Variants in DLG1 observed in about 807,000 individuals in gnomAD.
DLG1 encodes discs large MAGUK scaffold protein 1, also known as disks large homolog 1.
Under a neutral mutation model 123.4 loss-of-function variants are expected in DLG1, and 42 were observed. The observed-to-expected ratio is 0.34, with a 90% confidence interval of 0.27 to 0.44. DLG1 has a LOEUF of 0.44. DLG1 is among the 20% of genes least tolerant of loss of function. The pLI, the probability that DLG1 is intolerant of heterozygous loss-of-function variation, is 1.00. For missense variants in DLG1, 942 were observed against 1,082.6 expected (o/e 0.87, Z 1.82); for synonymous variants, 317 against 356.2 (o/e 0.89, Z 1.24).
intron 11 of DLG1, among the ~76,000 whole-genome samples, chr3:197,125,735 A>G (rs1778715812): frequency 6.6e-6 from 1 of 152,202 alleles, no homozygotes; most frequent in Admixed American, 6.5e-5. Context: ...AAGAAACCAA[A>G]AAGTCAGGGT....
At chr3:197,097,389 G>A (rs1245237445) in intron 14 of DLG1, among the ~76,000 whole-genome samples, 3 of 152,126 alleles carry the variant, frequency 2.0e-5, no homozygotes, top group Non-Finnish European at 4.4e-5. Flanking sequence ...GCTGATATCA[G>A]ATGGTCTTGT....
chr3:197,268,069 C>T (rs1209833671), intron 4 of DLG1, among the ~76,000 whole-genome samples: 1 of 152,018 alleles, frequency 6.6e-6, no homozygotes, highest in Non-Finnish European at 1.5e-5. Flanking sequence ...GGAAATTTTG[C>T]AATAAACATG....
chr3:197,143,732 T>C (rs903202794), intron 6 of DLG1, among the ~76,000 whole-genome samples: 7 of 152,240 alleles, frequency 4.6e-5, no homozygotes, highest in Non-Finnish European at 7.3e-5. Flanking sequence ...CAACCCTTTC[T>C]GTGAACGACT....
At chr3:197,160,576 C>A (rs1177903722) in intron 5 of DLG1, among the ~76,000 whole-genome samples, 4 of 151,794 alleles carry the variant, frequency 2.6e-5, no homozygotes, top group Non-Finnish European at 5.9e-5. Context: ...TTTTCATAAT[C>A]AAAAATTATA....
At chr3:197,050,543 G>A (rs1726860583) in intron 24 of DLG1, among the ~76,000 whole-genome samples, 1 of 152,156 alleles carries the variant, frequency 6.6e-6, no homozygotes, top group African/African-American at 2.4e-5. Flanking sequence ...GAGTGAATGT[G>A]GAGGACCTTA....
At chr3:197,275,919 G>A (rs911511632) in intron 4 of DLG1, among the ~76,000 whole-genome samples, 1 of 152,196 alleles carries the variant, frequency 6.6e-6, no homozygotes, top group Non-Finnish European at 1.5e-5. Flanking sequence ...TGCTTGAGAT[G>A]ATGGATATCC....
intron 5 of DLG1, among the ~76,000 whole-genome samples, chr3:197,171,529 AG>A (rs777655063): frequency 2.6e-5 from 4 of 152,212 alleles, no homozygotes; most frequent in South Asian, 4.1e-4. Context: ...CAAGGTAAAT[AG>A]GAAAACAGAT....
Position 197,260,312 on chromosome 3 carries a change from T to C in DLG1, c.318+22367A>G, listed in dbSNP as rs561921554. ...ATTACTCTACCATTACAATATTTTA[T>C]ACATAAAGCAAAACTATTTTAAGTT... On this transcript the variant is annotated intron_variant, in intron 4 of 24. Transcript: ENST00000667157. 7.3e-5 allele frequency: 31 copies of C among 424,398 alleles called. No individual in the cohort carries two copies. The East Asian group carries it at 1.9e-3, about 25-fold the overall frequency. The allele number at this position is 424,398 out of a possible 1,614,324, so 26.3% of individuals were successfully genotyped here.
chr3:197,133,797 T>C (rs1266381505), intron 10 of DLG1, among the ~76,000 whole-genome samples: 1 of 151,990 alleles, frequency 6.6e-6, no homozygotes, highest in Non-Finnish European at 1.5e-5. Flanking sequence ...AGAAGAGAAA[T>C]ACCAAGATAA....
In DLG1 at chr3:197,142,713, T is replaced by A; in HGVS notation, c.588+5A>T. 6.2e-7 allele frequency: 1 copy of A among 1,600,642 alleles called. No homozygotes were observed. The highest frequency in any genetic ancestry group is 2.2e-5 in the East Asian group (1 of 44,564). On this transcript the variant is annotated splice_donor_5th_base_variant and intron_variant, in intron 7 of 24. Transcript: ENST00000667157. ...AGAACAACAGATTAAGATAATAGTT[T>A]TTACCCTTTCAAGTGTGATTTCTTC...
chr3:197,091,100 TG>T (rs1377831088), intron 14 of DLG1, 74 bp from the exon 15 acceptor site: 9 of 990,288 alleles, frequency 9.1e-6, no homozygotes, highest in Non-Finnish European at 1.4e-5. Context: ...GTATTAAATA[TG>T]TAAACTGTCC....
Position 197,131,946 on chromosome 3 carries a change from T to G in DLG1, c.1021-1275A>C, listed in dbSNP as rs868414144. Among the ~76,000 whole-genome samples the G allele has an allele frequency of 1.3e-4, 20 of 152,324 alleles. 1 individual carries two copies. In the Middle Eastern group the frequency reaches 0.02, roughly 155 times the overall value. On this transcript the variant is annotated intron_variant, in intron 10 of 24. Coordinates refer to ENST00000667157, the MANE Select transcript of DLG1 (RefSeq NM_001366207.1). ...TTTTCTTTTTCTTTTCTTATTGCCC[T>G]GGATAGAATCTCAACTATAACACTG... is the stretch of plus-strand genomic sequence containing the variant.
intron 5 of DLG1, among the ~76,000 whole-genome samples, chr3:197,193,325 C>A (rs2150247424): frequency 6.6e-6 from 1 of 152,160 alleles, no homozygotes; most frequent in Admixed American, 6.5e-5. Flanking sequence ...CACTCAGATA[C>A]CATTTTGAAA....
intron 22 of DLG1, among the ~76,000 whole-genome samples, chr3:197,063,539 G>T (rs2148861368): frequency 6.6e-6 from 1 of 152,144 alleles, no homozygotes; most frequent in Non-Finnish European, 1.5e-5. Flanking sequence ...TCTTTTGCAT[G>T]TTGTGTATCA....
In DLG1 at chr3:197,243,721, C is replaced by T. The variant is rs201684634; in HGVS notation, c.318+38958G>A. Among the ~76,000 whole-genome samples the T allele has an allele frequency of 8.5e-5, 13 of 152,190 alleles. No individual in the cohort carries two copies. In the East Asian group the frequency reaches 1.9e-3, roughly 23 times the overall value. ...GGCATTCCTAGTATAACTGACAAAT[C>T]GTTGTTGGTTATAGTAGATATAATT... On this transcript the variant is annotated intron_variant, in intron 4 of 24. Transcript: ENST00000667157.
Position 197,043,574 on chromosome 3 carries a change from AATAT to A in DLG1, c.*1045_*1048del, listed in dbSNP as rs933691740. 1 of 151,500 alleles carries A rather than the reference AATAT, an allele frequency of 6.6e-6. No homozygotes were observed. Among genetic ancestry groups the A allele is most frequent in the Non-Finnish European group, 1.5e-5 (1 of 67,870 alleles). The allele number at this position is 151,500 out of a possible 1,614,324, so 9.4% of individuals were successfully genotyped here. On this transcript the variant is annotated 3_prime_UTR_variant, in exon 25 of 25. Coordinates refer to ENST00000667157, the MANE Select transcript of DLG1 (RefSeq NM_001366207.1). Reference sequence around the variant, plus strand: ...GGCAAAAGAAACAAAATATATTTTAAATATATATATATGTTTGTGTGTGTGCGCA... The same window carrying A: ...GGCAAAAGAAACAAAATATATTTTAAATATATATGTTTGTGTGTGTGCGCA...
chr3:197,115,909 T>C lies in DLG1; in HGVS notation c.1443+18A>G, dbSNP rs756906231. ...CAGTGAAAATAACAAAAACGTGATC[T>C]TGACTAACGTGTCTTACCGATATAA... On this transcript the variant is annotated intron_variant, in intron 13 of 24. Coordinates refer to ENST00000667157, the MANE Select transcript of DLG1 (RefSeq NM_001366207.1). 3.1e-6 allele frequency: 5 copies of C among 1,603,032 alleles called. No homozygotes were observed. Among genetic ancestry groups the C allele is most frequent in the South Asian group, 2.3e-5 (2 of 87,368 alleles).
chr3:197,157,266 T>C (rs761166604), intron 5 of DLG1, among the ~76,000 whole-genome samples: 13 of 152,184 alleles, frequency 8.5e-5, no homozygotes, highest in Non-Finnish European at 1.3e-4. Context: ...TATGATCTTA[T>C]ATGTAAAACA....
At chr3:197,073,219 G>A (rs574943834) in intron 18 of DLG1, among the ~76,000 whole-genome samples, 6 of 152,274 alleles carry the variant, frequency 3.9e-5, no homozygotes, top group East Asian at 3.9e-4. Flanking sequence ...ACAACTATGC[G>A]TACGTCTTTA....
Sources: gnomAD v4.1 joint callset for allele counts (sites outside exome capture counted in the v4.1 genomes callset) on GRCh38, gnomAD v4.1.1 for gene constraint, MANE v1.5 for transcripts, NCBI Gene and HGNC (gene_info 2026-07-23, HGNC 2026-07-21) for gene names.